The following CDH18 variants were observed in gnomAD, a reference collection of about 807,000 sequenced individuals.
CDH18 encodes the protein cadherin-18.
CDH18 carries 31 observed loss-of-function variants against 67.9 expected under a neutral mutation model. That is an observed-to-expected ratio of 0.46 (90% CI 0.34 to 0.62). CDH18 has a LOEUF of 0.62. Ranked by LOEUF, CDH18 falls within the 20% of genes least tolerant of loss-of-function variation. The pLI, the probability that CDH18 is intolerant of heterozygous loss-of-function variation, is 0.01. For synonymous variants in CDH18, 362 were observed against 347.2 expected (o/e 1.04, Z -0.48); for missense variants, 890 against 975.5 (o/e 0.91, Z 1.17).
intron 2 of CDH18, among the ~76,000 whole-genome samples, chr5:20,246,775 T>C (rs796071498): frequency 1.7e-4 from 26 of 152,322 alleles, no homozygotes; most frequent in African/African-American, 6.0e-4. Flanking sequence ...AAAACAAACA[T>C]GATACCTGTT....
At chr5:20,304,927 A>G (rs1181704192) in intron 1 of CDH18, 7 of 1,613,330 alleles carry the variant, frequency 4.3e-6, no homozygotes, top group Middle Eastern at 1.7e-4. Context: ...GTTTGTATTC[A>G]CGTGCTTCAC....
intron 1 of CDH18, among the ~76,000 whole-genome samples, chr5:20,507,016 A>G (rs1754704071): frequency 6.6e-6 from 1 of 152,202 alleles, no homozygotes; most frequent in South Asian, 2.1e-4. Flanking sequence ...CAGGAAATAC[A>G]AGTGGCTTTG....
chr5:19,947,737 T>C (rs1795417194), intron 2 of CDH18, among the ~76,000 whole-genome samples: 1 of 151,368 alleles, frequency 6.6e-6, no homozygotes, highest in South Asian at 2.1e-4. Context: ...CACTCTAGCC[T>C]GGGTGACAGA....
At chr5:19,687,212 G>A (rs1761223112) in intron 5 of CDH18, among the ~76,000 whole-genome samples, 1 of 152,092 alleles carries the variant, frequency 6.6e-6, no homozygotes, top group Admixed American at 6.5e-5. Flanking sequence ...AGAGTGTGAT[G>A]GCATTGCTCC....
chr5:20,140,771 A>G (rs561541534), intron 2 of CDH18, among the ~76,000 whole-genome samples: 51 of 152,136 alleles, frequency 3.4e-4, no homozygotes, highest in African/African-American at 1.4e-4. Context: ...GCCTCTTTCC[A>G]TCTCAGAGCT....
chr5:20,157,496 T>C (rs1751625229), intron 2 of CDH18, among the ~76,000 whole-genome samples: 1 of 152,178 alleles, frequency 6.6e-6, no homozygotes, highest in South Asian at 2.1e-4. Flanking sequence ...AGAAATGTTA[T>C]TGTGCATATA....
intron 5 of CDH18, among the ~76,000 whole-genome samples, chr5:19,625,349 G>C (rs184541221): frequency 1.5e-4 from 23 of 151,500 alleles, no homozygotes; most frequent in African/African-American, 5.6e-4. Context: ...TAGAACAAAA[G>C]CTCTACAAGA....
chr5:20,464,715 T>C (rs1561029912), intron 1 of CDH18, among the ~76,000 whole-genome samples: 2 of 152,100 alleles, frequency 1.3e-5, no homozygotes, highest in Non-Finnish European at 2.9e-5. Context: ...TGATCCCAGG[T>C]AAGATAAAAC....
At chr5:20,562,278 G>C (rs1345203094) in intron 1 of CDH18, among the ~76,000 whole-genome samples, 3 of 151,650 alleles carry the variant, frequency 2.0e-5, no homozygotes, top group Non-Finnish European at 4.4e-5. Context: ...AAGTTGCTTG[G>C]GGACAAGGAG....
At position 20,521,794 on chromosome 5, in the gene CDH18, T is replaced by TAC. The variant is rs1318622013; in HGVS notation, c.-580+53666_-580+53667dup. Among the ~76,000 whole-genome samples, 232 of 148,456 alleles carry TAC rather than the reference T, an allele frequency of 1.6e-3. 1 individual carries two copies. Among genetic ancestry groups the TAC allele is most frequent in the African/African-American group, 5.4e-3 (208 of 38,374 alleles). Reference sequence around the variant, plus strand: ...ACTGGGAATAGAACCAAGCACAAGTTACACACACACACATACACACACACA... The same window carrying TAC: ...ACTGGGAATAGAACCAAGCACAAGTTACACACACACACACATACACACACACA... On this transcript the variant is annotated intron_variant, in intron 1 of 14. Coordinates refer to the CDH18 transcript ENST00000507958.
intron 2 of CDH18, among the ~76,000 whole-genome samples, chr5:20,131,504 C>A (rs921587873): frequency 2.6e-5 from 4 of 151,966 alleles, no homozygotes; most frequent in African/African-American, 9.7e-5. Context: ...TAAACAGAAG[C>A]AGTCCACTAA....
chr5:20,464,833 T>C (rs1470188390), intron 1 of CDH18, among the ~76,000 whole-genome samples: 1 of 152,090 alleles, frequency 6.6e-6, no homozygotes, highest in African/African-American at 2.4e-5. Context: ...ATAGCTGTGT[T>C]ACTATGCATT....
At chr5:20,558,530 C>T (rs1378726693) in intron 1 of CDH18, among the ~76,000 whole-genome samples, 3 of 151,972 alleles carry the variant, frequency 2.0e-5, no homozygotes, top group Non-Finnish European at 4.4e-5. Flanking sequence ...CTGCATGCAG[C>T]GAAGGGGCCA....
chr5:20,443,355 CT>C (rs1218075721), intron 1 of CDH18, among the ~76,000 whole-genome samples: 1 of 151,674 alleles, frequency 6.6e-6, no homozygotes, highest in Non-Finnish European at 1.5e-5. Context: ...TTTGGTATCC[CT>C]AAACCACATT....
At chr5:20,281,572 T>C (rs1370097335) in intron 1 of CDH18, among the ~76,000 whole-genome samples, 1 of 152,210 alleles carries the variant, frequency 6.6e-6, no homozygotes, top group African/African-American at 2.4e-5. Context: ...TCTATATCTC[T>C]GTTTTGGTAC....
intron 2 of CDH18, among the ~76,000 whole-genome samples, chr5:20,158,311 T>C (rs763285032): frequency 3.9e-5 from 6 of 152,072 alleles, no homozygotes; most frequent in Non-Finnish European, 5.9e-5. Flanking sequence ...GAAATCAACA[T>C]AACTAAAAAA....
Position 20,034,718 on chromosome 5 carries a change from C to T in CDH18, c.-517-42704G>A, listed in dbSNP as rs535708771. Among the ~76,000 whole-genome samples the T allele has an allele frequency of 2.0e-5, 3 of 152,114 alleles. No homozygotes were observed. The East Asian group carries it at 5.8e-4, about 29-fold the overall frequency. ...GACTTGGATTCTGACTGAAACTATGCTATGGGCTCTACTGGGTTTGGACTA... is the reference window on the plus strand; with the variant it reads ...GACTTGGATTCTGACTGAAACTATGTTATGGGCTCTACTGGGTTTGGACTA... On this transcript the variant is annotated intron_variant, in intron 2 of 14. Transcript: ENST00000507958.
At chr5:20,285,410 A>AATATAATATG (rs1746617792) in intron 1 of CDH18, among the ~76,000 whole-genome samples, 1 of 146,988 alleles carries the variant, frequency 6.8e-6, no homozygotes, top group Non-Finnish European at 1.5e-5. Context: ...AATATAATAT[A>AATATAATATG]ATATAATATA....
Position 19,994,855 on chromosome 5 carries a change from T to TATATAGAGAGAGAG in CDH18, c.-517-2842_-517-2841insCTCTCTCTCTATAT, listed in dbSNP as rs760777430. On this transcript the variant is annotated intron_variant, in intron 2 of 14. Coordinates refer to the CDH18 transcript ENST00000507958. ...ATATATATATATATATATATATATA[T>TATATAGAGAGAGAG]AGAGAGAGAGAGAGAGAGAGAGATG... 8.7e-4 allele frequency among the ~76,000 whole-genome samples: 59 copies of TATATAGAGAGAGAG among 67,582 alleles called. 6 individuals carry two copies. The highest frequency in any genetic ancestry group is 4.8e-3 in the East Asian group (9 of 1,868). 44.3% of individuals were successfully genotyped at this position (67,582 alleles called of 152,430 possible).
Sources: gnomAD v4.1 joint callset for allele counts (sites outside exome capture counted in the v4.1 genomes callset) on GRCh38, gnomAD v4.1.1 for gene constraint, MANE v1.5 for transcripts, NCBI Gene and HGNC (gene_info 2026-07-23, HGNC 2026-07-21) for gene names.